PLCG2: variants seen among roughly 807,000 people sequenced by gnomAD.
PLCG2 encodes 1-phosphatidylinositol 4,5-bisphosphate phosphodiesterase gamma-2.
PLCG2 carries 69 observed loss-of-function variants against 175.6 expected under a neutral mutation model. The observed-to-expected ratio is 0.39, with a 90% CI of 0.32 to 0.48. PLCG2 has a LOEUF of 0.48. Among genes scored for constraint, PLCG2 ranks in the 20% least tolerant of loss-of-function variants. The pLI is 0.91. For missense variants in PLCG2, 1,798 were observed against 1,650.9 expected (o/e 1.09, Z -1.54); for synonymous variants, 827 against 624.0 (o/e 1.33, Z -4.85).
chr16:81,835,367 G>A (rs953347873), intron 2 of PLCG2, among the ~76,000 whole-genome samples: 2 of 151,966 alleles, frequency 1.3e-5, no homozygotes, highest in Admixed American at 6.6e-5. Context: ...AGGCCAAAGC[G>A]GGCAGATCAC....
At chr16:81,937,004 G>A (rs1021333085) in intron 27 of PLCG2, among the ~76,000 whole-genome samples, 6 of 152,178 alleles carry the variant, frequency 3.9e-5, no homozygotes, top group African/African-American at 1.2e-4. Context: ...GTACCCTGAC[G>A]TGAGCGCCAT....
upstream of PLCG2, among the ~76,000 whole-genome samples, chr16:81,774,465 C>T (rs930272685): frequency 6.6e-6 from 1 of 152,226 alleles, no homozygotes; most frequent in African/African-American, 2.4e-5. Context: ...CCATTGAAAG[C>T]CCATTCTGGG....
intron 2 of PLCG2, among the ~76,000 whole-genome samples, chr16:81,831,421 C>G (rs931849910): frequency 6.6e-6 from 1 of 152,212 alleles, no homozygotes; most frequent in Non-Finnish European, 1.5e-5. Context: ...GTGTGCCAGG[C>G]ACTGCACTAA....
rs1911669445 is a variant in PLCG2 at position 81,958,649 on chromosome 16, TA to T, written c.*652del. The T allele has an allele frequency of 4.5e-6, 1 of 223,984 alleles. No individual in the cohort carries two copies. The highest frequency in any genetic ancestry group is 5.7e-5 in the Admixed American group (1 of 17,464). 13.9% of individuals were successfully genotyped at this position (223,984 alleles called of 1,614,324 possible). ...TGACTAGAGTTACTGGGATGGAGGG[TA>T]GGAATCTTGGGGCCTCTTTGTTTTA... On this transcript the variant is annotated 3_prime_UTR_variant, in exon 33 of 33. Transcript: ENST00000564138.
At chr16:81,805,875 A>T (rs553292130) in intron 2 of PLCG2, among the ~76,000 whole-genome samples, 2 of 148,526 alleles carry the variant, frequency 1.3e-5, no homozygotes, top group African/African-American at 2.5e-5. Context: ...CCTGGGCTCA[A>T]GTGATCCTCC....
At chr16:81,932,859 T>C (rs1250427869) in intron 25 of PLCG2, among the ~76,000 whole-genome samples, 1 of 152,254 alleles carries the variant, frequency 6.6e-6, no homozygotes, top group African/African-American at 2.4e-5. Flanking sequence ...AACCATGAGC[T>C]TGTAGCCAGC....
chr16:81,942,915 A>AT (rs898276155), intron 30 of PLCG2, among the ~76,000 whole-genome samples: 3 of 140,042 alleles, frequency 2.1e-5, no homozygotes, highest in East Asian at 4.6e-4. Flanking sequence ...AAGAAAAACA[A>AT]TTATTTTTTT....
At chr16:81,779,877 A>G (rs1261722002) in intron 1 of PLCG2, among the ~76,000 whole-genome samples, 1 of 152,174 alleles carries the variant, frequency 6.6e-6, no homozygotes, top group Non-Finnish European at 1.5e-5. Flanking sequence ...TGGGAGCGAT[A>G]CCGCGGGAGG....
At chr16:81,866,452 G>A (rs58848563) in intron 5 of PLCG2, among the ~76,000 whole-genome samples, 21 of 67,520 alleles carry the variant, frequency 3.1e-4, no homozygotes, top group Non-Finnish European at 4.3e-4. Flanking sequence ...ATGAGAGGAC[G>A]CTAGCCTCTC....
At chr16:81,929,001 C>T (rs1833055392) in intron 24 of PLCG2, among the ~76,000 whole-genome samples, 1 of 152,244 alleles carries the variant, frequency 6.6e-6, no homozygotes, top group Admixed American at 6.5e-5. Context: ...GTTCTAAACC[C>T]AGCTCTGCCT....
intron 1 of PLCG2, among the ~76,000 whole-genome samples, chr16:81,781,986 C>G (rs1280712331): frequency 6.6e-6 from 1 of 151,966 alleles, no homozygotes; most frequent in Non-Finnish European, 1.5e-5. Flanking sequence ...TTTCTCCTGC[C>G]TCAGCCTCAC....
chr16:81,772,989 C>T (rs1452457303), intron 2 of PLCG2, among the ~76,000 whole-genome samples: 1 of 152,022 alleles, frequency 6.6e-6, no homozygotes, highest in Non-Finnish European at 1.5e-5. Flanking sequence ...CCCCTGCCGA[C>T]AGCTGCCCTG....
chr16:81,776,934 A>G (rs964557346), upstream of PLCG2, among the ~76,000 whole-genome samples: 3 of 152,104 alleles, frequency 2.0e-5, no homozygotes, highest in Admixed American at 6.5e-5. Flanking sequence ...CAATCCACTG[A>G]TTCCTTCAGT....
chr16:81,958,160 G>A lies in PLCG2; in HGVS notation c.*162G>A. On this transcript the variant is annotated 3_prime_UTR_variant, in exon 33 of 33. Coordinates refer to ENST00000564138, the MANE Select transcript of PLCG2 (RefSeq NM_002661.5). ...TTAAGACCCAACTGGCATGAGTTGG[G>A]GTAATTTCCTATTATTTTCATCTTG... 2 of 591,000 alleles carry A rather than the reference G, an allele frequency of 3.4e-6. No individual in the cohort carries two copies. Among genetic ancestry groups the A allele is most frequent in the East Asian group, 2.9e-5 (1 of 35,032 alleles). The allele number at this position is 591,000 out of a possible 1,614,324, so 36.6% of individuals were successfully genotyped here.
chr16:81,773,193 CT>C (rs1286697417), intron 2 of PLCG2, among the ~76,000 whole-genome samples: 1 of 152,156 alleles, frequency 6.6e-6, no homozygotes, highest in African/African-American at 2.4e-5. Flanking sequence ...AAGGTGTACT[CT>C]TTTCAGTCTC....
chr16:81,868,929 C>A (rs976925920), intron 5 of PLCG2, among the ~76,000 whole-genome samples: 1 of 152,322 alleles, frequency 6.6e-6, no homozygotes, highest in South Asian at 2.1e-4. Flanking sequence ...GACCTATGTC[C>A]CTGGACATAC....
chr16:81,851,213 G>A (rs1436275068), intron 2 of PLCG2, among the ~76,000 whole-genome samples: 1 of 152,132 alleles, frequency 6.6e-6, no homozygotes, highest in Non-Finnish European at 1.5e-5. Flanking sequence ...TGTGGACCTG[G>A]CAAAAATAGT....
chr16:81,956,092 A>G (rs1911556458), intron 31 of PLCG2, among the ~76,000 whole-genome samples: 3 of 152,038 alleles, frequency 2.0e-5, no homozygotes, highest in Admixed American at 2.0e-4. Flanking sequence ...GTGACCTTTA[A>G]CCTACTTTGT....
At chr16:81,904,035 C>T (rs998595867) in intron 14 of PLCG2, among the ~76,000 whole-genome samples, 1 of 152,220 alleles carries the variant, frequency 6.6e-6, no homozygotes, top group Non-Finnish European at 1.5e-5. Context: ...GCCCACTTTA[C>T]AGATGTGGAC....
Sources: allele counts gnomAD v4.1 joint callset (sites outside exome capture counted in the v4.1 genomes callset), GRCh38; gene constraint gnomAD v4.1.1; transcripts MANE v1.5; gene names NCBI Gene and HGNC (gene_info 2026-07-23, HGNC 2026-07-21).